The following STRN variants were observed in gnomAD, a reference collection of about 807,000 sequenced individuals.
STRN encodes the protein protein phosphatase 2 regulatory subunit B'''alpha.
In STRN, 53 loss-of-function variants were observed where a neutral mutation model predicts 96.3. The observed-to-expected ratio is 0.55, with a 90% CI of 0.44 to 0.69. The LOEUF (loss-of-function observed/expected upper bound fraction) is 0.69, where lower values mean the gene tolerates loss of function less well. Among genes scored for constraint, STRN ranks in the 30% least tolerant of loss-of-function variants. STRN has a pLI of 0.00. For missense variants in STRN, 987 were observed against 963.9 expected, an observed-to-expected ratio of 1.02 and a Z score of -0.32; for synonymous variants, 428 against 355.9, an observed-to-expected ratio of 1.20 and a Z score of -2.28.
intron 1 of STRN, among the ~76,000 whole-genome samples, chr2:36,949,899 T>C (rs1664708161): frequency 6.6e-6 from 1 of 151,906 alleles, no homozygotes; most frequent in Non-Finnish European, 1.5e-5. Context: ...AGGAATTAGG[T>C]AGAGTGAGAG....
chr2:36,891,813 T>G (rs1451779111), intron 7 of STRN, among the ~76,000 whole-genome samples: 2 of 152,324 alleles, frequency 1.3e-5, no homozygotes, highest in Non-Finnish European at 2.9e-5. Flanking sequence ...CTAGGAGAGT[T>G]TTCTTATCAG....
chr2:36,912,737 C>T (rs1669995881), intron 3 of STRN, among the ~76,000 whole-genome samples: 1 of 152,192 alleles, frequency 6.6e-6, no homozygotes, highest in African/African-American at 2.4e-5. Flanking sequence ...ATCCATACTT[C>T]TGGCTTAAGC....
rs947965876 is a variant in STRN at position 36,886,844 on chromosome 2, A to C, written c.932-18T>G. On this transcript the variant is annotated intron_variant, in intron 7 of 17. Coordinates refer to ENST00000263918, the MANE Select transcript of STRN (RefSeq NM_003162.4). The stretch of plus-strand genomic sequence containing the variant: ...TTCCTTTTCTAAACAGAGTGAAACA[A>C]ATGAAACAGCCTTTTTCAATAAAAT... 1 of 1,589,700 alleles carries C rather than the reference A, an allele frequency of 6.3e-7. No individual in the cohort carries two copies. The highest frequency in any genetic ancestry group is 8.6e-7 in the Non-Finnish European group (1 of 1,164,416).
chr2:36,941,802 C>T (rs1670851880), intron 1 of STRN, among the ~76,000 whole-genome samples: 1 of 151,780 alleles, frequency 6.6e-6, no homozygotes, highest in Non-Finnish European at 1.5e-5. Flanking sequence ...ATCCCCCAAC[C>T]TCGGCCTCCC....
In STRN at chr2:36,899,618, A is replaced by G. The variant is rs745994280; in HGVS notation, c.700T>C (p.Phe234Leu). The G allele has an allele frequency of 3.7e-6, 6 of 1,613,496 alleles. No individual in the cohort carries two copies. The highest frequency in any genetic ancestry group is 5.1e-6 in the Non-Finnish European group (6 of 1,179,856). Reference sequence around the variant, plus strand: ...GCAGCTGCACTTTCAAGGAATTTGAAATTATCCAGCACGGAGGCAGAATCT... The same window carrying G: ...GCAGCTGCACTTTCAAGGAATTTGAGATTATCCAGCACGGAGGCAGAATCT... ...LTDSASVLDN[F>L]KFLESAAADF... Residue 234 changes from phenylalanine (F) to leucine (L), a missense_variant, in exon 6 of 18, where the codon TTC (phenylalanine) becomes CTC (leucine). By Grantham distance (22) the Phe-to-Leu change is conservative (BLOSUM62 0). Coordinates refer to ENST00000263918, the MANE Select transcript of STRN (RefSeq NM_003162.4).
chr2:36,875,908 C>T (rs891405735), intron 10 of STRN, among the ~76,000 whole-genome samples: 2 of 152,106 alleles, frequency 1.3e-5, no homozygotes, highest in Admixed American at 6.5e-5. Context: ...CTGCCCGCCT[C>T]GGCCTCCCAA....
rs193043512 is a variant in STRN, at chr2:36,957,982, C to T, written c.234+8248G>A. On this transcript the variant is annotated intron_variant, in intron 1 of 17. Coordinates refer to ENST00000263918, the MANE Select transcript of STRN (RefSeq NM_003162.4). ...TTGCCCAGGCTGGAGTACAGTGGCGCGATCTTGGCTCACTGCAAGCTCCGC... is the reference window on the plus strand; with the variant it reads ...TTGCCCAGGCTGGAGTACAGTGGCGTGATCTTGGCTCACTGCAAGCTCCGC... 8.8e-5 allele frequency among the ~76,000 whole-genome samples: 13 copies of T among 147,848 alleles called. No individual in the cohort carries two copies. The East Asian group carries it at 1.2e-3, about 14-fold the overall frequency.
intron 1 of STRN, among the ~76,000 whole-genome samples, chr2:36,958,902 G>A (rs890255533): frequency 4.6e-5 from 7 of 152,052 alleles, no homozygotes; most frequent in Non-Finnish European, 8.8e-5. Context: ...GGCGGATCAC[G>A]AGGTCAGATA....
chr2:36,965,134 T>A (rs1190460423), intron 1 of STRN, among the ~76,000 whole-genome samples: 2 of 152,130 alleles, frequency 1.3e-5, no homozygotes, highest in Non-Finnish European at 2.9e-5. Flanking sequence ...AAGCGCCAAA[T>A]ACATGTTACC....
chr2:36,907,366 G>A (rs755104927), intron 3 of STRN, among the ~76,000 whole-genome samples: 2 of 152,102 alleles, frequency 1.3e-5, no homozygotes, highest in East Asian at 1.9e-4. Flanking sequence ...TGGCTAACGC[G>A]GTGAAATCCT....
Position 36,863,731 on chromosome 2 carries a change from T to G in STRN, c.1548-2478A>C, listed in dbSNP as rs905621244. 3.3e-5 allele frequency among the ~76,000 whole-genome samples: 5 copies of G among 152,234 alleles called. No individual in the cohort carries two copies. The East Asian group carries it at 7.7e-4, about 23-fold the overall frequency. ...TAGTTTGATAGGAATAGCATTGAATTTGTAAATTGCTTTGGGCAGTACGGC... is the reference window on the plus strand; with the variant it reads ...TAGTTTGATAGGAATAGCATTGAATGTGTAAATTGCTTTGGGCAGTACGGC... On this transcript the variant is annotated intron_variant, in intron 12 of 17. Coordinates refer to ENST00000263918, the MANE Select transcript of STRN (RefSeq NM_003162.4).
chr2:36,915,232 A>AATATAT (rs72466696), intron 3 of STRN, among the ~76,000 whole-genome samples: 2,615 of 85,982 alleles, frequency 0.03, 69 homozygotes, highest in Admixed American at 0.053. Flanking sequence ...TGAATACATA[A>AATATAT]ATATATATAT....
chr2:36,903,525 G>A (rs547148507), intron 4 of STRN, among the ~76,000 whole-genome samples: 16 of 152,122 alleles, frequency 1.1e-4, no homozygotes, highest in Non-Finnish European at 1.5e-4. Flanking sequence ...AGTGGCAGTG[G>A]GAAGACCATG....
Position 36,838,057 on chromosome 2 carries a change from C to T in STRN, c.*11399G>A, listed in dbSNP as rs1429692131. Among the ~76,000 whole-genome samples the T allele has an allele frequency of 6.6e-6, 1 of 152,162 alleles. No individual in the cohort carries two copies. The highest frequency in any genetic ancestry group is 2.1e-4 in the South Asian group (1 of 4,830). On this transcript the variant is annotated 3_prime_UTR_variant, in exon 18 of 18. Transcript: ENST00000263918. ...GTAATTAAAGCTACTAATCAGTTGA[C>T]CTTAACAATCTGGGTGTGCTTAAAC...
At chr2:36,867,987 C>T (rs939205152) in intron 11 of STRN, 126 bp from the exon 12 acceptor site, 41 of 554,496 alleles carry the variant, frequency 7.4e-5, no homozygotes, top group Middle Eastern at 4.5e-4. Context: ...CTACACGATA[C>T]GTAAGAAAGC....
intron 14 of STRN, among the ~76,000 whole-genome samples, chr2:36,857,409 T>A (rs1668373173): frequency 6.6e-6 from 1 of 152,220 alleles, no homozygotes; most frequent in African/African-American, 2.4e-5. Flanking sequence ...GTGCAGTGGC[T>A]CATGCCTGTA....
At position 36,940,237 on chromosome 2, in the gene STRN, GAAGA is replaced by G. The variant is rs528995761; in HGVS notation, c.235-15033_235-15030del. Reference sequence around the variant, plus strand: ...GATGTACTTCGAAGGAAAAGTAATAGAAGAAATATAAGAGAAATAATTTTAAAAA... The same window carrying G: ...GATGTACTTCGAAGGAAAAGTAATAGAATATAAGAGAAATAATTTTAAAAA... On this transcript the variant is annotated intron_variant, in intron 1 of 17. Transcript: ENST00000263918. Among the ~76,000 whole-genome samples the G allele has an allele frequency of 1.4e-4, 22 of 152,140 alleles. No individual in the cohort carries two copies. In the South Asian group the frequency reaches 4.6e-3, roughly 32 times the overall value.
chr2:36,925,648 C>G (rs1018847055), intron 1 of STRN, among the ~76,000 whole-genome samples: 2 of 152,016 alleles, frequency 1.3e-5, no homozygotes, highest in African/African-American at 4.8e-5. Flanking sequence ...CTGGTGGCAC[C>G]TGTAATCCCA....
chr2:36,940,662 C>CTAAAAA (rs1335760933), intron 1 of STRN, among the ~76,000 whole-genome samples: 20 of 151,244 alleles, frequency 1.3e-4, no homozygotes, highest in African/African-American at 2.4e-4. Flanking sequence ...CCCATCTCTA[C>CTAAAAA]TAAAAATAAA....
Sources: gnomAD v4.1 joint callset for allele counts (sites outside exome capture counted in the v4.1 genomes callset) on GRCh38, gnomAD v4.1.1 for gene constraint, MANE v1.5 for transcripts, NCBI Gene and HGNC (gene_info 2026-07-23, HGNC 2026-07-21) for gene names.